The following ARL5A variants were observed in gnomAD, a reference collection of about 807,000 sequenced individuals.
ARL5A encodes ARF like GTPase 5A.
ARL5A carries 18 observed loss-of-function variants against 25.9 expected under a neutral mutation model. The observed-to-expected ratio is 0.69, with a 90% confidence interval of 0.48 to 1.03. The LOEUF (loss-of-function observed/expected upper bound fraction) is 1.03. ARL5A is among the 50% of genes least tolerant of loss of function. ARL5A has a pLI of 0.00. For synonymous variants in ARL5A, 61 were observed against 67.5 expected, an observed-to-expected ratio of 0.90 and a Z score of 0.47; for missense variants, 170 against 211.9, an observed-to-expected ratio of 0.80 and a Z score of 1.23.
chr2:151,819,126 A>G (rs2099831909), intron 1 of ARL5A, among the ~76,000 whole-genome samples: 1 of 152,230 alleles, frequency 6.6e-6, no homozygotes, highest in Admixed American at 6.5e-5. Flanking sequence ...TCTATAATAT[A>G]TAACAATAAA....
rs1486195963 is a variant in ARL5A, at chr2:151,799,554, A to G, written c.*3722T>C. The G allele has an allele frequency of 6.6e-6, 1 of 152,214 alleles. No homozygotes were observed. Among genetic ancestry groups the G allele is most frequent in the Non-Finnish European group, 1.5e-5 (1 of 68,022 alleles). The allele number at this position is 152,214 out of a possible 1,614,324, so 9.4% of individuals were successfully genotyped here. ...AACTAGTAGCTCACGGAAGTGGTAGAGTCTGGGTATTTCTCCTATCTTTCT... is the reference window on the plus strand; with the variant it reads ...AACTAGTAGCTCACGGAAGTGGTAGGGTCTGGGTATTTCTCCTATCTTTCT... On this transcript the variant is annotated 3_prime_UTR_variant, in exon 6 of 6. Transcript: ENST00000295087.
chr2:151,822,722 CT>C (rs3835747), intron 1 of ARL5A, among the ~76,000 whole-genome samples: 7,300 of 152,216 alleles, frequency 0.048, 367 homozygotes, highest in East Asian at 0.26. Flanking sequence ...TATGATTTTT[CT>C]TTTAGACTAT....
chr2:151,825,100 T>C (rs1205950503), intron 1 of ARL5A, among the ~76,000 whole-genome samples: 1 of 152,238 alleles, frequency 6.6e-6, no homozygotes, highest in Non-Finnish European at 1.5e-5. Flanking sequence ...ATAAAGGCAG[T>C]GGAATTTGTC....
rs1422899030 is a variant in ARL5A, at chr2:151,799,469, A to T, written c.*3807T>A. On this transcript the variant is annotated 3_prime_UTR_variant, in exon 6 of 6. Coordinates refer to ENST00000295087, the MANE Select transcript of ARL5A (RefSeq NM_012097.4). ...TCAAACTGAACTGGTATTCTGTGAA[A>T]CATAACCATTCTTGGTAGTGGGAAG... The T allele has an allele frequency of 6.6e-6, 1 of 152,212 alleles. No homozygotes were observed. Among genetic ancestry groups the T allele is most frequent in the African/African-American group, 2.4e-5 (1 of 41,466 alleles). The allele number at this position is 152,212 out of a possible 1,614,324, so 9.4% of individuals were successfully genotyped here.
intron 4 of ARL5A, chr2:151,810,590 C>T: frequency 2.3e-6 from 1 of 436,826 alleles, no homozygotes; most frequent in South Asian, 1.6e-5. Flanking sequence ...AATGAGAATA[C>T]TCAAGTTCAA....
intron 1 of ARL5A, among the ~76,000 whole-genome samples, chr2:151,821,796 T>C (rs553246406): frequency 0.094 from 13,457 of 143,392 alleles, 789 homozygotes; most frequent in African/African-American, 0.18. Flanking sequence ...TTTCTTTTTT[T>C]TTTTTTTTTT....
At chr2:151,810,714 A>C (rs1346240312) in intron 4 of ARL5A, among the ~76,000 whole-genome samples, 2 of 152,210 alleles carry the variant, frequency 1.3e-5, no homozygotes, top group African/African-American at 4.8e-5. Flanking sequence ...CAGCTAGTAA[A>C]AATCAAAGAC....
At position 151,814,332 on chromosome 2, in the gene ARL5A, T is replaced by C. The variant is rs139164357; in HGVS notation, c.108-16A>G. On this transcript the variant is annotated splice_polypyrimidine_tract_variant and intron_variant, in intron 2 of 5. Coordinates refer to ENST00000295087, the MANE Select transcript of ARL5A (RefSeq NM_012097.4). ...ATTCATAGAACTGGGGAAAAAAGTT[T>C]ATATACATTACAATTAGCAAGGAAG... 66 of 1,483,778 alleles carry C rather than the reference T, an allele frequency of 4.4e-5. 1 individual carries two copies. The African/African-American group carries it at 8.9e-4, about 20-fold the overall frequency. 91.9% of individuals were successfully genotyped at this position (1,483,778 alleles called of 1,614,324 possible).
chr2:151,814,066 T>A (rs1479406124), intron 3 of ARL5A, 103 bp downstream of exon 3: 14 of 1,106,272 alleles, frequency 1.3e-5, no homozygotes, highest in Admixed American at 2.6e-5. Context: ...CTCTATGTAT[T>A]AACATACTGT....
chr2:151,828,388 C>T lies in ARL5A; in HGVS notation c.-212G>A. The T allele has an allele frequency of 2.4e-6, 1 of 425,244 alleles. No individual in the cohort carries two copies. 26.3% of individuals were successfully genotyped at this position (425,244 alleles called of 1,614,324 possible). A position where few individuals can be genotyped will look rare whatever the true frequency, so the allele number is the denominator to read the frequency against. On this transcript the variant is annotated 5_prime_UTR_variant, in exon 1 of 6. Transcript: ENST00000295087. The stretch of plus-strand genomic sequence containing the variant: ...CCCGCCGCTGCCGCCGCGGCACTCG[C>T]CTGGCTCGCGGACATCGCCGCCGCG...
At chr2:151,817,751 C>T (rs1273939546) in intron 1 of ARL5A, among the ~76,000 whole-genome samples, 2 of 152,198 alleles carry the variant, frequency 1.3e-5, no homozygotes, top group African/African-American at 4.8e-5. Flanking sequence ...CCTATAATCC[C>T]AGCACTTTGG....
At chr2:151,825,041 G>C (rs2099832858) in intron 1 of ARL5A, among the ~76,000 whole-genome samples, 1 of 152,192 alleles carries the variant, frequency 6.6e-6, no homozygotes, top group African/African-American at 2.4e-5. Flanking sequence ...TTTACTTGTA[G>C]AGACAAAGTG....
At position 151,803,325 on chromosome 2, in the gene ARL5A, C is replaced by A; in HGVS notation, c.492-1G>T. The stretch of plus-strand genomic sequence containing the variant: ...CATCCATTCAAGTCCTTGGCACAAT[C>A]TATAAAGAAAACAAAATCATTTGAT... On this transcript the variant is annotated splice_acceptor_variant, in intron 5 of 5. Transcript: ENST00000295087. LOFTEE classifies it high-confidence loss of function. 1 of 1,611,288 alleles carries A rather than the reference C, an allele frequency of 6.2e-7. No homozygotes were observed. The highest frequency in any genetic ancestry group is 1.7e-5 in the Admixed American group (1 of 60,008).
At chr2:151,816,028 T>C (rs1471908403) in intron 1 of ARL5A, among the ~76,000 whole-genome samples, 1 of 152,180 alleles carries the variant, frequency 6.6e-6, no homozygotes, top group South Asian at 2.1e-4. Flanking sequence ...CGCCTCCTCT[T>C]GAATCTGGGG....
chr2:151,809,819 C>T (rs1477346778), intron 4 of ARL5A, among the ~76,000 whole-genome samples: 1 of 152,226 alleles, frequency 6.6e-6, no homozygotes, highest in Non-Finnish European at 1.5e-5. Flanking sequence ...TGGGCGCTCA[C>T]GCCTGTAATC....
chr2:151,823,601 C>T (rs2099832649), intron 1 of ARL5A, among the ~76,000 whole-genome samples: 1 of 152,128 alleles, frequency 6.6e-6, no homozygotes, highest in Non-Finnish European at 1.5e-5. Context: ...TTAAGAAGCA[C>T]TCACTATCCC....
At chr2:151,809,557 GAT>G (rs1184273444) in intron 4 of ARL5A, among the ~76,000 whole-genome samples, 1 of 152,116 alleles carries the variant, frequency 6.6e-6, no homozygotes, top group Non-Finnish European at 1.5e-5. Context: ...GTAGAAAATA[GAT>G]ATATTAAATT....
intron 2 of ARL5A, 106 bp from the exon 3 acceptor site, chr2:151,814,422 C>T (rs1578376863): frequency 2.3e-6 from 2 of 880,546 alleles, no homozygotes; most frequent in Non-Finnish European, 1.7e-6. Flanking sequence ...ATAATTTATA[C>T]CTAAATATCT....
intron 5 of ARL5A, 112 bp from the exon 6 acceptor site, chr2:151,803,436 A>T (rs905551039): frequency 3.9e-6 from 3 of 778,566 alleles, no homozygotes; most frequent in Non-Finnish European, 6.6e-6. Flanking sequence ...AATAACAAAG[A>T]TTTAAAAATC....
Sources: gnomAD v4.1 joint callset for allele counts (sites outside exome capture counted in the v4.1 genomes callset) on GRCh38, gnomAD v4.1.1 for gene constraint, MANE v1.5 for transcripts, NCBI Gene and HGNC (gene_info 2026-07-23, HGNC 2026-07-21) for gene names.